Variants in TAF4B observed in about 807,000 individuals in gnomAD.
The protein encoded by TAF4B is TATA-box binding protein associated factor 4b, also known as transcription initiation factor TFIID subunit 4B.
In TAF4B, 38 loss-of-function variants were observed where a neutral mutation model predicts 86.4. The ratio of observed to expected loss-of-function variants is 0.44; its 90% CI spans 0.34 to 0.58. TAF4B has a LOEUF of 0.58. Ranked by LOEUF, TAF4B falls within the 20% of genes least tolerant of loss-of-function variation. The pLI, the probability that TAF4B is intolerant of heterozygous loss-of-function variation, is 0.02. For missense variants in TAF4B, 988 were observed against 1,027.6 expected (o/e 0.96, Z 0.53); for synonymous variants, 388 against 391.2 (o/e 0.99, Z 0.10).
At chr18:26,309,770 G>A (rs2056835235) in intron 9 of TAF4B, among the ~76,000 whole-genome samples, 1 of 152,106 alleles carries the variant, frequency 6.6e-6, no homozygotes, top group Admixed American at 6.6e-5. Context: ...TTACAGATAA[G>A]GGGATCAATG....
Position 26,299,911 on chromosome 18 carries a change from A to T in TAF4B, c.1832+6380A>T, listed in dbSNP as rs570689878. ...TTTTATTTTTGTAGTTGACTTTTTCAGGCATGAAATTAATTTTATTTCTTT... is the reference window on the plus strand; with the variant it reads ...TTTTATTTTTGTAGTTGACTTTTTCTGGCATGAAATTAATTTTATTTCTTT... On this transcript the variant is annotated intron_variant, in intron 9 of 14. Coordinates refer to ENST00000269142, the MANE Select transcript of TAF4B (RefSeq NM_005640.3). Among the ~76,000 whole-genome samples the T allele has an allele frequency of 5.3e-4, 80 of 152,216 alleles. 2 individuals are homozygous for T. Among genetic ancestry groups the T allele is most frequent in the African/African-American group, 1.8e-3 (74 of 41,560 alleles).
rs778130776 is a variant in TAF4B at position 26,267,584 on chromosome 18, TACTGTGGTAACC to T, written c.564_575del (p.Val189_Val192del). 1.9e-6 allele frequency: 3 copies of T among 1,614,166 alleles called. No homozygotes were observed. The South Asian group carries it at 3.3e-5, about 18-fold the overall frequency. ...TTAAAAAATTGGCACAAATAGGAAC[TACTGTGGTAACC>T]ACTGTTCCGAAGCCTTCCTCAGTAC... On this transcript the variant is annotated inframe_deletion, in exon 3 of 15. Coordinates refer to ENST00000269142, the MANE Select transcript of TAF4B (RefSeq NM_005640.3).
chr18:26,334,241 CT>C (rs765850893), intron 12 of TAF4B, among the ~76,000 whole-genome samples: 4 of 152,084 alleles, frequency 2.6e-5, no homozygotes, highest in East Asian at 3.8e-4. Context: ...TAAAGACTAT[CT>C]CTTATATTTT....
At chr18:26,324,387 C>T (rs376134177) in intron 11 of TAF4B, among the ~76,000 whole-genome samples, 1 of 152,172 alleles carries the variant, frequency 6.6e-6, no homozygotes, top group Non-Finnish European at 1.5e-5. Flanking sequence ...GTTGGGATTA[C>T]AAGTGTGAGT....
At chr18:26,338,481 T>TG (rs1279395787) in intron 13 of TAF4B, among the ~76,000 whole-genome samples, 1 of 141,662 alleles carries the variant, frequency 7.1e-6, no homozygotes, top group African/African-American at 2.6e-5. Flanking sequence ...TTTTTTTTTT[T>TG]TTTTTTTTTT....
rs73946324 is a variant in TAF4B, at chr18:26,233,784, A to G, written c.343+6508A>G. ...AAGGTATGAACACAGACCAACAAGT[A>G]TTGAAATCCCCTTGACTTAGGCATA... On this transcript the variant is annotated intron_variant, in intron 1 of 14. Coordinates refer to ENST00000269142, the MANE Select transcript of TAF4B (RefSeq NM_005640.3). Among the ~76,000 whole-genome samples, 862 of 152,310 alleles carry G rather than the reference A, an allele frequency of 5.7e-3. 6 individuals are homozygous for G. Among genetic ancestry groups the G allele is most frequent in the African/African-American group, 0.019 (800 of 41,568 alleles).
rs2056364608 is a variant in TAF4B at position 26,274,857 on chromosome 18, G to A, written c.759+33G>A. On this transcript the variant is annotated intron_variant, in intron 4 of 14. Transcript: ENST00000269142. ...CTTACTTGCACCTTACATAAATCTT[G>A]TTCCTTGCAAGTTCTTTTGAATTGT... 6 of 1,613,404 alleles carry A rather than the reference G, an allele frequency of 3.7e-6. No individual in the cohort carries two copies. In the African/African-American group the frequency reaches 5.3e-5, roughly 14 times the overall value.
intron 1 of TAF4B, among the ~76,000 whole-genome samples, chr18:26,246,750 C>G (rs917247565): frequency 1.3e-5 from 2 of 152,078 alleles, no homozygotes; most frequent in African/African-American, 2.4e-5. Context: ...CCAGGCTGGT[C>G]TCAAACTCCT....
Position 26,274,824 on chromosome 18 carries a change from G to T in TAF4B, c.759G>T (p.Pro253=). 1 of 1,614,072 alleles carries T rather than the reference G, an allele frequency of 6.2e-7. No homozygotes were observed. The highest frequency in any genetic ancestry group is 8.5e-7 in the Non-Finnish European group (1 of 1,180,006). ...NSAAVQINLS[P]TMLENVKKCK... ...CAGCTGTTCAGATTAATCTTTCTCC[G>T]GTAAGCTCTTACTTGCACCTTACAT... Residue 253 remains proline, a splice_region_variant and synonymous_variant, in exon 4 of 15, where the codon CCG becomes CCT. Coordinates refer to ENST00000269142, the MANE Select transcript of TAF4B (RefSeq NM_005640.3).
chr18:26,232,355 G>A (rs1338170126), intron 1 of TAF4B, among the ~76,000 whole-genome samples: 1 of 152,156 alleles, frequency 6.6e-6, no homozygotes, highest in African/African-American at 2.4e-5. Flanking sequence ...GAATTCTCTA[G>A]GCCAGTCAAA....
intron 6 of TAF4B, among the ~76,000 whole-genome samples, chr18:26,283,165 T>C (rs1448359292): frequency 2.6e-5 from 4 of 152,188 alleles, no homozygotes; most frequent in Non-Finnish European, 5.9e-5. Flanking sequence ...GCATCTAGAA[T>C]GGTGAATCTT....
rs3842402 is a variant in TAF4B at position 26,315,209 on chromosome 18, C to CTT, written c.1833-9_1833-8dup. On this transcript the variant is annotated intron_variant, in intron 9 of 14. Transcript: ENST00000269142. ...CACACACACAACCTAAAATGTATAA[C>CTT]TTTTTTTTTTTTCTATTAGAGATGA... 1,087 of 1,218,804 alleles carry CTT rather than the reference C, an allele frequency of 8.9e-4. No homozygotes were observed. The highest frequency in any genetic ancestry group is 2.5e-3 in the Middle Eastern group (8 of 3,182). 75.5% of individuals were successfully genotyped at this position (1,218,804 alleles called of 1,614,324 possible).
In TAF4B at chr18:26,255,731, C is replaced by T. The variant is rs2056074587; in HGVS notation, c.344-9439C>T. The stretch of plus-strand genomic sequence containing the variant: ...GAGTGGAGATGGGCAGAGGCTGTGG[C>T]CCCTGCTCCTCTGGCTTCTCGGCAG... On this transcript the variant is annotated intron_variant, in intron 1 of 14. Coordinates refer to ENST00000269142, the MANE Select transcript of TAF4B (RefSeq NM_005640.3). 3.1e-6 allele frequency: 5 copies of T among 1,598,226 alleles called. No homozygotes were observed. In the African/African-American group the frequency reaches 5.4e-5, roughly 17 times the overall value.
chr18:26,265,044 C>A, intron 1 of TAF4B, 126 bp from the exon 2 acceptor site: 1 of 888,704 alleles, frequency 1.1e-6, no homozygotes, highest in Non-Finnish European at 1.6e-6. Flanking sequence ...AAGTAGCAGA[C>A]ATGAAATTCA....
At chr18:26,340,251 G>A (rs897027148) in intron 13 of TAF4B, among the ~76,000 whole-genome samples, 2 of 152,088 alleles carry the variant, frequency 1.3e-5, no homozygotes, top group African/African-American at 4.8e-5. Flanking sequence ...ATTTAGGTAC[G>A]AGAACAGCAC....
At chr18:26,389,312 C>T (rs751085767) in intron 14 of TAF4B, among the ~76,000 whole-genome samples, 1 of 152,194 alleles carries the variant, frequency 6.6e-6, no homozygotes. Flanking sequence ...AGAACCTGCT[C>T]TGAGCAATGG....
intron 1 of TAF4B, among the ~76,000 whole-genome samples, chr18:26,256,687 T>C (rs1256457818): frequency 6.6e-6 from 1 of 152,144 alleles, no homozygotes; most frequent in African/African-American, 2.4e-5. Flanking sequence ...TTGCATCACA[T>C]AGATTTTGGT....
At chr18:26,333,565 A>G (rs1262227648) in intron 12 of TAF4B, among the ~76,000 whole-genome samples, 75 of 152,110 alleles carry the variant, frequency 4.9e-4, no homozygotes, top group Admixed American at 4.8e-3. Flanking sequence ...AATTTTTTAA[A>G]TTTTTAGTAG....
chr18:26,238,273 A>G (rs2055780160), intron 1 of TAF4B, among the ~76,000 whole-genome samples: 1 of 152,162 alleles, frequency 6.6e-6, no homozygotes. Context: ...GTGCCTCAAA[A>G]TGGAGTGGAG....
Sources: allele counts gnomAD v4.1 joint callset (sites outside exome capture counted in the v4.1 genomes callset), GRCh38; gene constraint gnomAD v4.1.1; transcripts MANE v1.5; gene names NCBI Gene and HGNC (gene_info 2026-07-23, HGNC 2026-07-21).